MED12L: variants seen among roughly 807,000 people sequenced by gnomAD.
The protein encoded by MED12L is mediator complex subunit 12L.
In MED12L, 60 loss-of-function variants were observed where a neutral mutation model predicts 281.3. The ratio of observed to expected loss-of-function variants is 0.21; its 90% CI spans 0.17 to 0.26. The LOEUF (loss-of-function observed/expected upper bound fraction) is 0.26, where lower values mean the gene tolerates loss of function less well. MED12L is among the 10% of genes least tolerant of loss of function. The probability of loss-of-function intolerance (pLI) is 1.00; values close to 1 mark genes in which losing one functional copy is unlikely to be tolerated. For synonymous variants in MED12L, 974 were observed against 987.2 expected, an observed-to-expected ratio of 0.99 and a Z score of 0.25; for missense variants, 2,146 against 2,680.9, an observed-to-expected ratio of 0.80 and a Z score of 4.41.
At chr3:151,122,289 T>A (rs1313333850) in intron 3 of MED12L, among the ~76,000 whole-genome samples, 1 of 152,234 alleles carries the variant, frequency 6.6e-6, no homozygotes, top group Non-Finnish European at 1.5e-5. Flanking sequence ...AAATTAAATT[T>A]CTCTAGACTC....
At chr3:151,099,693 G>A (rs1437187449) in intron 2 of MED12L, among the ~76,000 whole-genome samples, 1 of 152,020 alleles carries the variant, frequency 6.6e-6, no homozygotes, top group Non-Finnish European at 1.5e-5. Context: ...TGTTTAGACT[G>A]TTGGGTAGGT....
chr3:151,336,793 A>G (rs1003844174), intron 16 of MED12L: 1 of 265,900 alleles, frequency 3.8e-6, no homozygotes, highest in Admixed American at 5.1e-5. Context: ...TGTATATGGT[A>G]TGGTGAGTCA....
chr3:151,118,059 C>G (rs1713126283), intron 3 of MED12L, among the ~76,000 whole-genome samples: 1 of 143,988 alleles, frequency 6.9e-6, no homozygotes, highest in African/African-American at 2.7e-5. Flanking sequence ...CCGCTGCACT[C>G]CAGCCTGGGT....
At chr3:151,163,660 T>A (rs1280269578) in intron 8 of MED12L, among the ~76,000 whole-genome samples, 1 of 152,212 alleles carries the variant, frequency 6.6e-6, no homozygotes, top group Non-Finnish European at 1.5e-5. Flanking sequence ...AGTATTAGCT[T>A]ATGAATTATT....
chr3:151,347,104 G>C (rs1443832939), intron 16 of MED12L, among the ~76,000 whole-genome samples: 1 of 151,934 alleles, frequency 6.6e-6, no homozygotes, highest in East Asian at 1.9e-4. Flanking sequence ...TCTTCATTTT[G>C]CTTCTTAGTC....
chr3:151,399,909 C>T (rs1366036244), intron 39 of MED12L, among the ~76,000 whole-genome samples: 1 of 152,024 alleles, frequency 6.6e-6, no homozygotes, highest in Non-Finnish European at 1.5e-5. Flanking sequence ...TCATTGCAAC[C>T]TCTGCTTCCC....
chr3:151,436,412 T>C lies in MED12L; in HGVS notation c.*3608T>C, dbSNP rs16863388. ...GAAAAATTCAGGTACATTAGCCATT[T>C]GTTATTTTATAGTGAACCGTTTCAA... On this transcript the variant is annotated 3_prime_UTR_variant, in exon 45 of 45. Coordinates refer to ENST00000687756, the MANE Select transcript of MED12L (RefSeq NM_001393769.1). 4,619 of 267,778 alleles carry C rather than the reference T, an allele frequency of 0.017. 202 individuals carry two copies. The highest frequency in any genetic ancestry group is 0.096 in the African/African-American group (4,246 of 44,394). The allele number at this position is 267,778 out of a possible 1,614,324, so 16.6% of individuals were successfully genotyped here. A position where few individuals can be genotyped will look rare whatever the true frequency, so the allele number is the denominator to read the frequency against.
At chr3:151,292,171 C>T (rs1009257771) in intron 16 of MED12L, among the ~76,000 whole-genome samples, 1 of 151,894 alleles carries the variant, frequency 6.6e-6, no homozygotes, top group African/African-American at 2.4e-5. Flanking sequence ...TATATAAACA[C>T]GAAAGTAGAT....
chr3:151,377,927 A>G, intron 30 of MED12L, 85 bp from the exon 31 acceptor site: 4 of 1,346,224 alleles, frequency 3.0e-6, no homozygotes, highest in South Asian at 3.3e-5. Flanking sequence ...TCATACATCA[A>G]AGTTTCGCTT....
In MED12L at chr3:151,417,486, C is replaced by CT. The variant is rs1287791429; in HGVS notation, c.6408+1064_6408+1065insT. Among the ~76,000 whole-genome samples the CT allele has an allele frequency of 2.5e-3, 142 of 56,152 alleles. 4 individuals carry two copies. Among genetic ancestry groups the CT allele is most frequent in the East Asian group, 5.1e-3 (13 of 2,554 alleles). 36.8% of individuals were successfully genotyped at this position (56,152 alleles called of 152,430 possible). On this transcript the variant is annotated intron_variant, in intron 43 of 44. Transcript: ENST00000687756. Reference sequence around the variant, plus strand: ...TTCCGCTCCCCCAGCTCCCCCCCCGCCTTTTTTTTTTTTTTTTTTTGAGAC... The same window carrying CT: ...TTCCGCTCCCCCAGCTCCCCCCCCGCTCTTTTTTTTTTTTTTTTTTTGAGAC...
chr3:151,422,511 A>T (rs563962596), intron 43 of MED12L, among the ~76,000 whole-genome samples: 5 of 152,232 alleles, frequency 3.3e-5, no homozygotes, highest in African/African-American at 1.2e-4. Flanking sequence ...CTCCCTGTGC[A>T]TATACGTGTC....
intron 4 of MED12L, among the ~76,000 whole-genome samples, chr3:151,124,763 A>G (rs1412850729): frequency 6.6e-6 from 1 of 152,188 alleles, no homozygotes; most frequent in East Asian, 1.9e-4. Flanking sequence ...ATCCACAGAG[A>G]GGCTTGTAAA....
At chr3:151,260,444 G>A (rs1296590644) in intron 16 of MED12L, among the ~76,000 whole-genome samples, 2 of 152,066 alleles carry the variant, frequency 1.3e-5, no homozygotes, top group South Asian at 2.1e-4. Context: ...TAAACTCCTG[G>A]GTTTAAGCAG....
intron 32 of MED12L, among the ~76,000 whole-genome samples, 160 bp from the exon 33 acceptor site, chr3:151,382,496 C>A (rs938838240): frequency 6.6e-6 from 1 of 152,044 alleles, no homozygotes; most frequent in African/African-American, 2.4e-5. Flanking sequence ...AGCCAGATTT[C>A]TTTCTGCATG....
At chr3:151,256,267 C>A (rs1333225739) in intron 16 of MED12L, among the ~76,000 whole-genome samples, 1 of 152,202 alleles carries the variant, frequency 6.6e-6, no homozygotes, top group Middle Eastern at 3.4e-3. Context: ...TATGCAGTAC[C>A]CTGGTAAACT....
At chr3:151,232,993 C>A (rs1732003737) in intron 16 of MED12L, among the ~76,000 whole-genome samples, 2 of 152,186 alleles carry the variant, frequency 1.3e-5, no homozygotes, top group Admixed American at 1.3e-4. Flanking sequence ...AAATATTCTT[C>A]TAACAGCTAT....
chr3:151,154,912 A>T (rs954203045), intron 5 of MED12L, among the ~76,000 whole-genome samples: 2 of 152,238 alleles, frequency 1.3e-5, no homozygotes, highest in African/African-American at 4.8e-5. Flanking sequence ...ATGTCGACCT[A>T]GTATTTGTTC....
At chr3:151,306,020 C>T (rs1219378546) in intron 16 of MED12L, among the ~76,000 whole-genome samples, 1 of 152,186 alleles carries the variant, frequency 6.6e-6, no homozygotes, top group African/African-American at 2.4e-5. Context: ...TACGCGTTGA[C>T]ATCCCTGGGC....
chr3:151,253,332 C>CG (rs902152589), intron 16 of MED12L, among the ~76,000 whole-genome samples: 3 of 152,178 alleles, frequency 2.0e-5, no homozygotes, highest in Non-Finnish European at 2.9e-5. Flanking sequence ...AGGGGCCTTC[C>CG]GCTCTTACCC....
Sources: gnomAD v4.1 joint callset for allele counts (sites outside exome capture counted in the v4.1 genomes callset) on GRCh38, gnomAD v4.1.1 for gene constraint, MANE v1.5 for transcripts, NCBI Gene and HGNC (gene_info 2026-07-23, HGNC 2026-07-21) for gene names.